ATXN7: variants seen among roughly 807,000 people sequenced by gnomAD.
ATXN7 encodes the protein ataxin-7.
In ATXN7, 12 loss-of-function variants were observed where a neutral mutation model predicts 70.5. The observed-to-expected ratio is 0.17, with a 90% CI of 0.11 to 0.28. ATXN7 has a LOEUF of 0.28. ATXN7 is among the 10% of genes least tolerant of loss of function. The pLI is 1.00. For synonymous variants in ATXN7, 498 were observed against 448.7 expected, an observed-to-expected ratio of 1.11 and a Z score of -1.39; for missense variants, 1,256 against 1,131.7, an observed-to-expected ratio of 1.11 and a Z score of -1.58.
At chr3:63,892,449 T>G (rs1180529633) in intron 1 of ATXN7, among the ~76,000 whole-genome samples, 1 of 137,606 alleles carries the variant, frequency 7.3e-6, no homozygotes, top group South Asian at 2.3e-4. Context: ...GGACTTTAAT[T>G]TGCCTCTTAT....
intron 11 of ATXN7, among the ~76,000 whole-genome samples, chr3:63,993,350 T>G (rs2075703969): frequency 6.8e-6 from 1 of 147,582 alleles, no homozygotes; most frequent in South Asian, 2.1e-4. Context: ...AAACCAAGGC[T>G]GAGGCAGGAG....
intron 2 of ATXN7, chr3:63,905,178 A>G (rs1330238990): frequency 6.6e-6 from 1 of 151,980 alleles, no homozygotes; most frequent in African/African-American, 2.4e-5. Flanking sequence ...CAATTTACCC[A>G]TTTGGCTCTG....
At chr3:63,910,196 A>T (rs1371424827) in intron 2 of ATXN7, among the ~76,000 whole-genome samples, 1 of 152,228 alleles carries the variant, frequency 6.6e-6, no homozygotes, top group Non-Finnish European at 1.5e-5. Context: ...ATCTTGAAGT[A>T]GTTTCACATC....
intron 11 of ATXN7, among the ~76,000 whole-genome samples, chr3:63,992,608 C>G (rs2106793506): frequency 6.6e-6 from 1 of 152,228 alleles, no homozygotes; most frequent in Non-Finnish European, 1.5e-5. Flanking sequence ...TTCCTAGTGG[C>G]TTGTATAGTG....
At chr3:63,892,495 C>CCCA (rs1559622155) in intron 1 of ATXN7, among the ~76,000 whole-genome samples, 48 of 126,892 alleles carry the variant, frequency 3.8e-4, no homozygotes, top group African/African-American at 1.2e-3. Context: ...ACACACACAC[C>CCCA]CACACACACA....
At chr3:63,990,102 C>T in intron 9 of ATXN7, 74 bp from the exon 10 acceptor site, 1 of 1,451,354 alleles carries the variant, frequency 6.9e-7, no homozygotes, top group Non-Finnish European at 9.6e-7. Flanking sequence ...TTTGGACACA[C>T]TGTTGTATCT....
chr3:63,893,980 T>C (rs1435700828), intron 1 of ATXN7, among the ~76,000 whole-genome samples: 1 of 152,350 alleles, frequency 6.6e-6, no homozygotes, highest in Admixed American at 6.5e-5. Flanking sequence ...AGAATATGAC[T>C]GCAGTTTATA....
chr3:63,989,652 A>G (rs73119018), intron 9 of ATXN7, among the ~76,000 whole-genome samples: 22,768 of 152,126 alleles, frequency 0.15, 2,002 homozygotes, highest in East Asian at 0.39. Flanking sequence ...GAGATTATTT[A>G]AAGTATACGG....
chr3:63,963,810 AC>A (rs2075172546), intron 5 of ATXN7, among the ~76,000 whole-genome samples: 1 of 152,136 alleles, frequency 6.6e-6, no homozygotes, highest in Admixed American at 6.6e-5. Context: ...AAACAGCAGT[AC>A]CCACTCTGGT....
Position 63,912,597 on chromosome 3 carries a change from G to A in ATXN7, c.-2G>A. ...TTTTGTTACATTGTAGGAGCGGAAA[G>A]AATGTCGGAGCGGGCCGCGGATGAC... On this transcript the variant is annotated 5_prime_UTR_variant, in exon 3 of 13. Coordinates refer to ENST00000674280, the MANE Select transcript of ATXN7 (RefSeq NM_001377405.1). 1 of 1,102,752 alleles carries A rather than the reference G, an allele frequency of 9.1e-7. No individual in the cohort carries two copies. Among genetic ancestry groups the A allele is most frequent in the Non-Finnish European group, 1.1e-6 (1 of 892,740 alleles). 68.3% of individuals were successfully genotyped at this position (1,102,752 alleles called of 1,614,324 possible).
At position 63,966,579 on chromosome 3, in the gene ATXN7, A is replaced by G. The variant is rs144221102; in HGVS notation, c.500-13336A>G. ...CGTTACTGTAAGGAATCTGGGGGAA[A>G]AAAAGTGGGTTTCAGAAAACCCCCT... On this transcript the variant is annotated intron_variant, in intron 5 of 12. Transcript: ENST00000674280. Among the ~76,000 whole-genome samples the G allele has an allele frequency of 6.4e-3, 980 of 152,280 alleles. 7 individuals carry two copies. Among genetic ancestry groups the G allele is most frequent in the Middle Eastern group, 0.027 (8 of 294 alleles).
intron 5 of ATXN7, among the ~76,000 whole-genome samples, chr3:63,964,285 T>C (rs1244647060): frequency 6.6e-6 from 1 of 152,160 alleles, no homozygotes; most frequent in Non-Finnish European, 1.5e-5. Context: ...TGTATGGAAT[T>C]TAAGGAAGAA....
At chr3:63,863,755 G>A, upstream of ATXN7, 2 of 1,250,328 alleles carry the variant, frequency 1.6e-6, no homozygotes, top group Non-Finnish European at 2.0e-6. Flanking sequence ...CGCGTGTGGC[G>A]GCGAGCGGGG....
chr3:63,898,245 G>A (rs183238129), intron 1 of ATXN7, among the ~76,000 whole-genome samples, 154 bp from the exon 2 acceptor site: 1 of 150,944 alleles, frequency 6.6e-6, no homozygotes, highest in East Asian at 1.9e-4. Context: ...AATCACATTT[G>A]TAGTAAAATT....
chr3:63,955,564 CAG>C (rs1305894790), intron 5 of ATXN7, among the ~76,000 whole-genome samples: 2 of 152,132 alleles, frequency 1.3e-5, no homozygotes, highest in Admixed American at 6.5e-5. Flanking sequence ...CTTTTGGGGA[CAG>C]GGGTTGTGAC....
At chr3:63,986,127 A>G (rs1422106944) in intron 8 of ATXN7, among the ~76,000 whole-genome samples, 1 of 152,182 alleles carries the variant, frequency 6.6e-6, no homozygotes, top group Admixed American at 6.5e-5. Flanking sequence ...GGAGGAAACA[A>G]TATGTGTGAA....
At chr3:63,937,739 G>T (rs2074688378) in intron 4 of ATXN7, among the ~76,000 whole-genome samples, 1 of 152,154 alleles carries the variant, frequency 6.6e-6, no homozygotes, top group Admixed American at 6.5e-5. Context: ...TTGCATGCTG[G>T]TTAGGGACTG....
intron 4 of ATXN7, among the ~76,000 whole-genome samples, chr3:63,927,070 G>T (rs945471847): frequency 6.6e-6 from 1 of 152,128 alleles, no homozygotes; most frequent in Non-Finnish European, 1.5e-5. Flanking sequence ...ATCATTCATG[G>T]GCATTTGGGT....
intron 1 of ATXN7, among the ~76,000 whole-genome samples, chr3:63,897,479 C>T (rs917410419): frequency 1.3e-5 from 2 of 152,112 alleles, no homozygotes; most frequent in Admixed American, 1.3e-4. Context: ...TTCAGAGATG[C>T]TTTATTTGTA....
Sources: gnomAD v4.1 joint callset for allele counts (sites outside exome capture counted in the v4.1 genomes callset) on GRCh38, gnomAD v4.1.1 for gene constraint, MANE v1.5 for transcripts, NCBI Gene and HGNC (gene_info 2026-07-23, HGNC 2026-07-21) for gene names.